Variants in TTLL5 observed in about 807,000 individuals in gnomAD.
TTLL5 encodes tubulin polyglutamylase TTLL5.
A neutral mutation model predicts 168.4 loss-of-function variants in TTLL5; 132 were observed. The ratio of observed to expected loss-of-function variants is 0.78; its 90% CI spans 0.68 to 0.91. The LOEUF is 0.91. Ranked by LOEUF, TTLL5 falls within the 40% of genes least tolerant of loss-of-function variation. The pLI, the probability that TTLL5 is intolerant of heterozygous loss-of-function variation, is 0.00. For synonymous variants in TTLL5, 546 were observed against 558.6 expected (o/e 0.98, Z 0.32); for missense variants, 1,545 against 1,581.5 (o/e 0.98, Z 0.39).
intron 31 of TTLL5, among the ~76,000 whole-genome samples, chr14:75,913,243 T>C (rs2033462545): frequency 6.6e-6 from 1 of 152,176 alleles, no homozygotes; most frequent in African/African-American, 2.4e-5. Flanking sequence ...CATACACAGT[T>C]TCCTCTGCCT....
At chr14:75,665,350 T>G (rs1226095608) in intron 2 of TTLL5, among the ~76,000 whole-genome samples, 1 of 152,208 alleles carries the variant, frequency 6.6e-6, no homozygotes, top group African/African-American at 2.4e-5. Context: ...GGCCTTTGAT[T>G]AACAATCATA....
At position 75,780,282 on chromosome 14, in the gene TTLL5, C is replaced by T. The variant is rs540306656; in HGVS notation, c.2515+580C>T. 1.2e-4 allele frequency among the ~76,000 whole-genome samples: 19 copies of T among 152,208 alleles called. No homozygotes were observed. In the South Asian group the frequency reaches 1.7e-3, roughly 13 times the overall value. ...AATTCTTTGTCGTGTGGGGCTGTTC[C>T]ATACCTGGTGGGAAGTCTAATATAC... On this transcript the variant is annotated intron_variant, in intron 24 of 31. Coordinates refer to ENST00000298832, the MANE Select transcript of TTLL5 (RefSeq NM_015072.5).
chr14:75,811,474 C>A (rs1186587371), intron 27 of TTLL5, among the ~76,000 whole-genome samples: 1 of 152,124 alleles, frequency 6.6e-6, no homozygotes, highest in Non-Finnish European at 1.5e-5. Context: ...AGCCCAGATG[C>A]CATTTTTTAA....
At chr14:75,943,829 G>T (rs560069903) in intron 31 of TTLL5, among the ~76,000 whole-genome samples, 13 of 152,148 alleles carry the variant, frequency 8.5e-5, no homozygotes, top group African/African-American at 2.7e-4. Context: ...TAAACCAAGA[G>T]ATTAAAATTA....
chr14:75,884,407 C>T (rs1386025566), intron 30 of TTLL5, among the ~76,000 whole-genome samples: 2 of 152,226 alleles, frequency 1.3e-5, no homozygotes, highest in African/African-American at 2.4e-5. Context: ...CTGCTTGCTA[C>T]TGCCCTGAAC....
intron 6 of TTLL5, among the ~76,000 whole-genome samples, chr14:75,692,438 C>T (rs533418391): frequency 2.0e-4 from 30 of 152,078 alleles, no homozygotes; most frequent in Non-Finnish European, 3.5e-4. Context: ...ATTAGTTAAA[C>T]AATACTAATT....
chr14:75,853,810 G>A (rs988446576), intron 28 of TTLL5, among the ~76,000 whole-genome samples: 1 of 152,142 alleles, frequency 6.6e-6, no homozygotes, highest in Non-Finnish European at 1.5e-5. Flanking sequence ...TTGGGAGGCC[G>A]AGGCGGGCAG....
In TTLL5 at chr14:75,703,816, A is replaced by G. The variant is rs9323618; in HGVS notation, c.586-3202A>G. On this transcript the variant is annotated intron_variant, in intron 7 of 31. Transcript: ENST00000298832. ...TTCCCTTTGTTTTTCTCATTGCTCA[A>G]CAAGTATTTCAGGAGTGCCTACTGT... Among the ~76,000 whole-genome samples the G allele has an allele frequency of 9.0e-3, 1,372 of 152,276 alleles. 23 individuals are homozygous for G. Among genetic ancestry groups the G allele is most frequent in the African/African-American group, 0.032 (1,318 of 41,548 alleles).
intron 22 of TTLL5, among the ~76,000 whole-genome samples, chr14:75,776,503 A>G (rs1404354430): frequency 8.5e-5 from 13 of 152,218 alleles, no homozygotes. Flanking sequence ...AGTAGAAAGT[A>G]AAAACATGAT....
At chr14:75,778,157 A>C (rs1383458348) in intron 23 of TTLL5, among the ~76,000 whole-genome samples, 1 of 152,218 alleles carries the variant, frequency 6.6e-6, no homozygotes, top group Non-Finnish European at 1.5e-5. Context: ...AAAATGAATT[A>C]TAACATATTG....
intron 5 of TTLL5, among the ~76,000 whole-genome samples, chr14:75,688,185 G>A (rs1885207571): frequency 6.6e-6 from 1 of 152,160 alleles, no homozygotes; most frequent in Non-Finnish European, 1.5e-5. Flanking sequence ...AAAGACCAAG[G>A]CATGATTAGA....
chr14:75,733,961 T>C (rs766411193), intron 13 of TTLL5, 28 bp from the exon 14 acceptor site: 15 of 1,611,178 alleles, frequency 9.3e-6, no homozygotes, highest in Non-Finnish European at 1.3e-5. Flanking sequence ...CACTTATCAA[T>C]TGCTCTTTTC....
At chr14:75,841,390 A>G (rs765701105) in intron 28 of TTLL5, among the ~76,000 whole-genome samples, 3 of 152,182 alleles carry the variant, frequency 2.0e-5, no homozygotes, top group African/African-American at 4.8e-5. Flanking sequence ...CCATCCTTGC[A>G]GTATACTTAG....
chr14:75,845,812 T>A (rs1316913609), intron 28 of TTLL5, among the ~76,000 whole-genome samples: 1 of 152,216 alleles, frequency 6.6e-6, no homozygotes, highest in African/African-American at 2.4e-5. Flanking sequence ...ACTTTAACTT[T>A]CCTAGTTTTA....
At chr14:75,786,464 T>C (rs1287757646) in intron 26 of TTLL5, among the ~76,000 whole-genome samples, 2 of 152,210 alleles carry the variant, frequency 1.3e-5, no homozygotes, top group Admixed American at 6.5e-5. Context: ...TTTCAGGTAG[T>C]TGGGATTCTT....
chr14:75,754,148 G>A (rs1007623783), intron 18 of TTLL5, among the ~76,000 whole-genome samples: 1 of 152,130 alleles, frequency 6.6e-6, no homozygotes, highest in Non-Finnish European at 1.5e-5. Context: ...TTCCCACACA[G>A]GATAGGGGTG....
chr14:75,924,289 GTTTTTT>G (rs753773184), intron 31 of TTLL5, among the ~76,000 whole-genome samples: 1 of 143,580 alleles, frequency 7.0e-6, no homozygotes, highest in Non-Finnish European at 1.5e-5. Flanking sequence ...TATTTTGCCT[GTTTTTT>G]TTTTTTTATT....
At chr14:75,731,334 T>G (rs966724632) in intron 12 of TTLL5, among the ~76,000 whole-genome samples, 2 of 150,238 alleles carry the variant, frequency 1.3e-5, no homozygotes, top group African/African-American at 4.9e-5. Context: ...GGAGTGATGT[T>G]TTATATATAT....
At chr14:75,922,961 G>A (rs2033882465) in intron 31 of TTLL5, among the ~76,000 whole-genome samples, 1 of 152,114 alleles carries the variant, frequency 6.6e-6, no homozygotes, top group Middle Eastern at 3.4e-3. Context: ...GTCTTGGGAG[G>A]GTGTATGTGT....
Sources: gnomAD v4.1 joint callset for allele counts (sites outside exome capture counted in the v4.1 genomes callset) on GRCh38, gnomAD v4.1.1 for gene constraint, MANE v1.5 for transcripts, NCBI Gene and HGNC (gene_info 2026-07-23, HGNC 2026-07-21) for gene names.